Variants in ZC3HC1 observed in about 807,000 individuals in gnomAD.
The protein encoded by ZC3HC1 is zinc finger C3HC-type protein 1.
In ZC3HC1, 38 loss-of-function variants were observed where a neutral mutation model predicts 61.9. That is an observed-to-expected ratio of 0.61 (90% CI 0.47 to 0.81). The LOEUF is 0.81. Ranked by LOEUF, ZC3HC1 falls within the 30% of genes least tolerant of loss-of-function variation. The pLI is 0.00. For missense variants in ZC3HC1, 554 were observed against 622.7 expected, an observed-to-expected ratio of 0.89 and a Z score of 1.17; for synonymous variants, 213 against 229.9, an observed-to-expected ratio of 0.93 and a Z score of 0.67.
intron 2 of ZC3HC1, chr7:130,043,628 C>A: frequency 9.4e-6 from 2 of 212,172 alleles, no homozygotes; most frequent in Non-Finnish European, 9.7e-6. Context: ...GTTAAAATAC[C>A]TTCCCTTTCC....
intron 3 of ZC3HC1, 67 bp downstream of exon 3, chr7:130,040,884 C>A: frequency 6.9e-7 from 1 of 1,440,322 alleles, no homozygotes; most frequent in South Asian, 1.6e-5. Flanking sequence ...CTTTTTTCCC[C>A]CCCCAGAAAA....
intron 4 of ZC3HC1, 62 bp from the exon 5 acceptor site, chr7:130,029,091 C>T (rs11974220): frequency 0.058 from 88,873 of 1,529,106 alleles, 2,839 homozygotes; most frequent in Middle Eastern, 0.074. Flanking sequence ...AAAAACACGG[C>T]TGGGCATGGT....
chr7:130,018,731 C>T lies in ZC3HC1; in HGVS notation c.1442G>A (p.Ser481Asn). 1.2e-6 allele frequency: 2 copies of T among 1,611,974 alleles called. No individual in the cohort carries two copies. Among genetic ancestry groups the T allele is most frequent in the Middle Eastern group, 1.7e-4 (1 of 6,046 alleles). ...SSQPAETDSM[S>N]LSEKSRKVFR... Reference sequence around the variant, plus strand: ...TACTTTCCTTGATTTCTCAGAGAGACTCTGTAGGTAGAAAAGCTTATTATT... The same window carrying T: ...TACTTTCCTTGATTTCTCAGAGAGATTCTGTAGGTAGAAAAGCTTATTATT... Residue 481 changes from serine (S) to asparagine (N), a missense_variant and splice_region_variant, in exon 10 of 10, where the codon AGT becomes AAT. Ser to Asn is a conservative substitution (Grantham distance 46). Coordinates refer to ENST00000358303, the MANE Select transcript of ZC3HC1 (RefSeq NM_016478.5).
rs111255552 is a variant in ZC3HC1 at position 130,020,745 on chromosome 7, GCTTT to G, written c.1440+1570_1440+1573del. Reference sequence around the variant, plus strand: ...TACAAAACAAAAACAAAACCCATAGGCTTTCTTTTTCGTATGGCAGTGACAGAGA... The same window carrying G: ...TACAAAACAAAAACAAAACCCATAGGCTTTTTCGTATGGCAGTGACAGAGA... On this transcript the variant is annotated intron_variant, in intron 9 of 9. Transcript: ENST00000358303. Among the ~76,000 whole-genome samples the G allele has an allele frequency of 6.2e-3, 943 of 152,160 alleles. 12 individuals carry two copies. The highest frequency in any genetic ancestry group is 0.021 in the African/African-American group (886 of 41,512).
At chr7:130,046,096 A>T (rs1173199771) in intron 2 of ZC3HC1, among the ~76,000 whole-genome samples, 1 of 152,142 alleles carries the variant, frequency 6.6e-6, no homozygotes, top group Non-Finnish European at 1.5e-5. Flanking sequence ...GAGCTGAATG[A>T]TGAGAACACA....
At chr7:130,024,195 T>G in intron 7 of ZC3HC1, 68 bp downstream of exon 7, 1 of 1,524,702 alleles carries the variant, frequency 6.6e-7, no homozygotes, top group South Asian at 1.3e-5. Flanking sequence ...AATTTCCAAC[T>G]TTCTACCAAC....
intron 2 of ZC3HC1, among the ~76,000 whole-genome samples, chr7:130,046,087 A>G (rs1272653020): frequency 2.0e-5 from 3 of 152,030 alleles, no homozygotes; most frequent in African/African-American, 4.8e-5. Context: ...TATAAGTGGG[A>G]GCTGAATGAT....
At chr7:130,020,741 A>G (rs948063944) in intron 9 of ZC3HC1, among the ~76,000 whole-genome samples, 10 of 151,994 alleles carry the variant, frequency 6.6e-5, no homozygotes, top group African/African-American at 2.4e-4. Context: ...AACAAAACCC[A>G]TAGGCTTTCT....
chr7:130,023,484 C>T lies in ZC3HC1; in HGVS notation c.1233+27G>A, dbSNP rs770193028. The T allele has an allele frequency of 1.2e-6, 2 of 1,611,144 alleles. No individual in the cohort carries two copies. Among genetic ancestry groups the T allele is most frequent in the Non-Finnish European group, 1.7e-6 (2 of 1,178,424 alleles). ...GGCCCAATATGCTGTTTATGCTCAG[C>T]CACTGCTACATGCGAGGTGGACTCA... On this transcript the variant is annotated intron_variant, in intron 8 of 9. Transcript: ENST00000358303. This position sits in a 1 kb window ranked among gnomAD's most constrained non-coding sequence, Gnocchi z 4.2.
intron 6 of ZC3HC1, among the ~76,000 whole-genome samples, chr7:130,024,907 TTTTTTTTTTTTTTTTG>T (rs1793827366): frequency 7.4e-6 from 1 of 136,050 alleles, no homozygotes. Context: ...TTTTTTTTTT[TTTTTTTTTTTTTTTTG>T]AGTCAGAGTT....
In ZC3HC1 at chr7:130,049,224, G is replaced by A. The variant is rs532198697; in HGVS notation, c.147-80C>T. 6.0e-5 allele frequency: 60 copies of A among 1,004,226 alleles called. No individual in the cohort carries two copies. The African/African-American group carries it at 6.5e-4, about 11-fold the overall frequency. The allele number at this position is 1,004,226 out of a possible 1,614,324, so 62.2% of individuals were successfully genotyped here. ...ATGTTATCTAGCTTCTCTACACATC[G>A]TATCATAAATCACACCAACGCTGGA... On this transcript the variant is annotated intron_variant, in intron 1 of 9. Transcript: ENST00000358303.
At chr7:130,046,058 C>T (rs1173875491) in intron 2 of ZC3HC1, among the ~76,000 whole-genome samples, 1 of 151,926 alleles carries the variant, frequency 6.6e-6, no homozygotes, top group African/African-American at 2.4e-5. Context: ...GAACAGAAAA[C>T]CAAACACATG....
At chr7:130,050,752 C>CT (rs549167216) in intron 1 of ZC3HC1, among the ~76,000 whole-genome samples, 4 of 152,178 alleles carry the variant, frequency 2.6e-5, no homozygotes, top group African/African-American at 7.2e-5. Flanking sequence ...ATTATGGACT[C>CT]TTTAATAAAA....
chr7:130,038,797 CTGCAG>C (rs1794523602), intron 4 of ZC3HC1, among the ~76,000 whole-genome samples: 1 of 141,706 alleles, frequency 7.1e-6, no homozygotes, highest in Non-Finnish European at 1.5e-5. Flanking sequence ...GAGGTGGAGG[CTGCAG>C]TGAGTTGAGA....
At position 130,023,823 on chromosome 7, in the gene ZC3HC1, A is replaced by G. The variant is rs754068359; in HGVS notation, c.1021-100T>C. 1.6e-5 allele frequency: 18 copies of G among 1,097,454 alleles called. No homozygotes were observed. The highest frequency in any genetic ancestry group is 1.9e-5 in the Non-Finnish European group (15 of 786,554). The allele number at this position is 1,097,454 out of a possible 1,614,324, so 68.0% of individuals were successfully genotyped here. A position where few individuals can be genotyped will look rare whatever the true frequency, so the allele number is the denominator to read the frequency against. On this transcript the variant is annotated intron_variant, in intron 7 of 9. Transcript: ENST00000358303. The surrounding 1 kb of genome is among the most constrained non-coding windows in gnomAD (Gnocchi z 4.2). Reference sequence around the variant, plus strand: ...TCTTTTTTCTTTTTTTTTTTGAGACAGAGTCTCGCTTTGTTGCCAAGGCTG... The same window carrying G: ...TCTTTTTTCTTTTTTTTTTTGAGACGGAGTCTCGCTTTGTTGCCAAGGCTG...
chr7:130,034,261 G>A (rs541144865), intron 4 of ZC3HC1, among the ~76,000 whole-genome samples: 317 of 150,334 alleles, frequency 2.1e-3, no homozygotes, highest in East Asian at 5.5e-3. Flanking sequence ...CGAGGCGGGC[G>A]TATCACGAGG....
intron 4 of ZC3HC1, among the ~76,000 whole-genome samples, chr7:130,031,181 T>C (rs1794169097): frequency 6.6e-6 from 1 of 151,242 alleles, no homozygotes; most frequent in Non-Finnish European, 1.5e-5. Context: ...AATACAAAAT[T>C]AGCCAGGCAT....
chr7:130,019,817 T>G (rs1474578596), intron 9 of ZC3HC1, among the ~76,000 whole-genome samples: 4 of 141,136 alleles, frequency 2.8e-5, no homozygotes, highest in South Asian at 2.4e-4. Context: ...AGGTTTTTTT[T>G]TTTTTTTTTT....
intron 9 of ZC3HC1, among the ~76,000 whole-genome samples, chr7:130,021,951 G>GA (rs1235886560): frequency 2.0e-5 from 3 of 152,150 alleles, no homozygotes; most frequent in African/African-American, 7.2e-5. Context: ...GAGGCGGGGG[G>GA]ATCACCTGAG....
Sources: gnomAD v4.1 joint callset for allele counts (sites outside exome capture counted in the v4.1 genomes callset) on GRCh38, gnomAD v4.1.1 for gene constraint, Gnocchi (gnomAD v3.1) non-coding constraint, MANE v1.5 for transcripts, NCBI Gene and HGNC (gene_info 2026-07-23, HGNC 2026-07-21) for gene names.